GLI3: variants seen among roughly 807,000 people sequenced by gnomAD.
GLI3 encodes transcription activator GLI3.
GLI3 carries 20 observed loss-of-function variants against 100.8 expected under a neutral mutation model. The ratio of observed to expected loss-of-function variants is 0.20; its 90% CI spans 0.14 to 0.29. GLI3 has a LOEUF of 0.29. GLI3 is among the 10% of genes least tolerant of loss of function. GLI3 has a pLI of 1.00. For synonymous variants in GLI3, 938 were observed against 860.5 expected (o/e 1.09, Z -1.58); for missense variants, 2,040 against 2,128.5 (o/e 0.96, Z 0.82).
intron 2 of GLI3, among the ~76,000 whole-genome samples, chr7:42,217,815 T>C (rs1583655966): frequency 1.3e-5 from 2 of 152,238 alleles, no homozygotes; most frequent in Admixed American, 6.5e-5. Flanking sequence ...AACTGACGTG[T>C]ATGTTCAAGA....
chr7:42,052,321 T>C (rs1583512465), intron 4 of GLI3, among the ~76,000 whole-genome samples: 3 of 152,336 alleles, frequency 2.0e-5, no homozygotes. Context: ...ATAGCAAATC[T>C]GATCACACCA....
chr7:42,207,893 C>T (rs1195639680), intron 2 of GLI3, among the ~76,000 whole-genome samples: 2 of 152,188 alleles, frequency 1.3e-5, no homozygotes, highest in Non-Finnish European at 2.9e-5. Context: ...CACGGTGGCT[C>T]ACGCCTATAA....
At chr7:42,110,364 T>C (rs1437573688) in intron 3 of GLI3, among the ~76,000 whole-genome samples, 2 of 152,244 alleles carry the variant, frequency 1.3e-5, no homozygotes, top group Non-Finnish European at 2.9e-5. Context: ...CATTCATTCA[T>C]TCAAACTTCA....
chr7:42,068,370 C>G (rs1454441573), intron 4 of GLI3, among the ~76,000 whole-genome samples: 1 of 152,154 alleles, frequency 6.6e-6, no homozygotes, highest in Non-Finnish European at 1.5e-5. Context: ...TAAAAATGGC[C>G]AAGATTGTAT....
At chr7:42,175,794 C>T (rs897525128) in intron 2 of GLI3, among the ~76,000 whole-genome samples, 4 of 152,116 alleles carry the variant, frequency 2.6e-5, no homozygotes, top group African/African-American at 7.2e-5. Flanking sequence ...TAACAACTAC[C>T]GAATATCAGA....
intron 12 of GLI3, among the ~76,000 whole-genome samples, chr7:41,974,004 G>A (rs1787435759): frequency 6.6e-6 from 1 of 152,198 alleles, no homozygotes; most frequent in South Asian, 2.1e-4. Flanking sequence ...TTACCTTACA[G>A]TGTTCTGACA....
intron 3 of GLI3, among the ~76,000 whole-genome samples, chr7:42,111,889 G>C (rs77209588): frequency 1.3e-5 from 2 of 152,100 alleles, no homozygotes; most frequent in Non-Finnish European, 2.9e-5. Context: ...CAGTGCACCC[G>C]GTATGGGGAA....
chr7:42,180,180 A>G lies in GLI3; in HGVS notation c.125-31712T>C, dbSNP rs117289409. On this transcript the variant is annotated intron_variant, in intron 2 of 14. Transcript: ENST00000395925. ...GGAGGACAACAGAGAAGGCCCAGCT[A>G]TCATGCAGAGACTGTGCCAGGTGGA... is the stretch of plus-strand genomic sequence containing the variant. Among the ~76,000 whole-genome samples the G allele has an allele frequency of 2.2e-3, 335 of 152,262 alleles. 5 individuals are homozygous for G. In the East Asian group the frequency reaches 0.03, roughly 14 times the overall value.
intron 3 of GLI3, among the ~76,000 whole-genome samples, chr7:42,144,507 T>C (rs1339922106): frequency 6.6e-6 from 1 of 152,168 alleles, no homozygotes; most frequent in Non-Finnish European, 1.5e-5. Flanking sequence ...CTGTGAATGT[T>C]TGAAGTGCCC....
At chr7:42,127,844 T>C (rs1786171785) in intron 3 of GLI3, among the ~76,000 whole-genome samples, 1 of 151,212 alleles carries the variant, frequency 6.6e-6, no homozygotes, top group African/African-American at 2.4e-5. Flanking sequence ...TCTATCTCTA[T>C]AAAAAAAATA....
At chr7:42,147,123 G>A (rs1300150038) in intron 3 of GLI3, among the ~76,000 whole-genome samples, 1 of 152,128 alleles carries the variant, frequency 6.6e-6, no homozygotes, top group Non-Finnish European at 1.5e-5. Flanking sequence ...GGGGGAGGTG[G>A]TGCGGGGTAG....
Position 41,966,742 on chromosome 7 carries a change from A to T in GLI3, c.2432-101T>A. 8.2e-7 allele frequency: 1 copy of T among 1,223,000 alleles called. No homozygotes were observed. The highest frequency in any genetic ancestry group is 1.2e-6 in the Non-Finnish European group (1 of 840,234). 75.8% of individuals were successfully genotyped at this position (1,223,000 alleles called of 1,614,324 possible). ...CCTTTTCTGTAAAGGGCCAGCTAGG[A>T]ACTATTTCTGGTGTCCCAGGCCACA... On this transcript the variant is annotated intron_variant, in intron 14 of 14. Coordinates refer to ENST00000395925, the MANE Select transcript of GLI3 (RefSeq NM_000168.6). This position sits in a 1 kb window ranked among gnomAD's most constrained non-coding sequence, Gnocchi z 5.8.
intron 10 of GLI3, among the ~76,000 whole-genome samples, chr7:42,010,016 G>A (rs1478887229): frequency 6.6e-6 from 1 of 152,130 alleles, no homozygotes; most frequent in African/African-American, 2.4e-5. Context: ...CTTTATCAAA[G>A]AATTCCATTG....
upstream of GLI3, among the ~76,000 whole-genome samples, chr7:42,242,509 C>T (rs986008984): frequency 1.3e-5 from 2 of 152,204 alleles, no homozygotes; most frequent in African/African-American, 4.8e-5. Flanking sequence ...GAATGTCTGT[C>T]CTTTGTCCTT....
intron 6 of GLI3, among the ~76,000 whole-genome samples, chr7:42,043,578 A>G (rs1433661133): frequency 1.3e-5 from 2 of 152,224 alleles, no homozygotes; most frequent in African/African-American, 4.8e-5. Flanking sequence ...CCCTATTCTA[A>G]TAAGAAATTC....
intron 10 of GLI3, among the ~76,000 whole-genome samples, chr7:42,013,575 G>C (rs1483052169): frequency 6.6e-6 from 1 of 152,054 alleles, no homozygotes; most frequent in African/African-American, 2.4e-5. Context: ...GTCTTGCTAT[G>C]TTGCCCAGGA....
intron 2 of GLI3, among the ~76,000 whole-genome samples, chr7:42,201,286 G>A (rs368593521): frequency 1.3e-5 from 2 of 152,210 alleles, no homozygotes; most frequent in African/African-American, 4.8e-5. Flanking sequence ...TTGACCATGG[G>A]TAACTAAAAC....
At chr7:42,035,675 C>T (rs552096284) in intron 7 of GLI3, among the ~76,000 whole-genome samples, 40 of 152,154 alleles carry the variant, frequency 2.6e-4, no homozygotes, top group African/African-American at 8.7e-4. Flanking sequence ...TTACATTTGC[C>T]GGAAGACTAC....
At chr7:41,985,026 C>T (rs1349564366) in intron 10 of GLI3, among the ~76,000 whole-genome samples, 1 of 152,182 alleles carries the variant, frequency 6.6e-6, no homozygotes, top group East Asian at 1.9e-4. Context: ...ATATAAACAT[C>T]TAAGAAAATG....
Sources: gnomAD v4.1 joint callset for allele counts (sites outside exome capture counted in the v4.1 genomes callset) on GRCh38, gnomAD v4.1.1 for gene constraint, Gnocchi (gnomAD v3.1) non-coding constraint, MANE v1.5 for transcripts, NCBI Gene and HGNC (gene_info 2026-07-23, HGNC 2026-07-21) for gene names.